Variants in EIF4G3 observed in about 807,000 individuals in gnomAD.
EIF4G3 encodes eIF-4-gamma 3.
A neutral mutation model predicts 186.4 loss-of-function variants in EIF4G3; 34 were observed. The ratio of observed to expected loss-of-function variants is 0.18; its 90% confidence interval spans 0.14 to 0.24. The LOEUF (loss-of-function observed/expected upper bound fraction) is 0.24, where lower values mean the gene tolerates loss of function less well. Ranked by LOEUF, EIF4G3 falls within the 10% of genes least tolerant of loss-of-function variation. The pLI, the probability that EIF4G3 is intolerant of heterozygous loss-of-function variation, is 1.00. For synonymous variants in EIF4G3, 673 were observed against 679.5 expected (o/e 0.99, Z 0.15); for missense variants, 1,536 against 1,948.5 (o/e 0.79, Z 3.99).
intron 3 of EIF4G3, among the ~76,000 whole-genome samples, chr1:21,077,896 A>AG (rs1346810297): frequency 6.6e-6 from 1 of 151,730 alleles, no homozygotes; most frequent in Admixed American, 6.6e-5. Context: ...AAAAAAAAAA[A>AG]ACAACAAAAA....
chr1:21,144,832 GAGGGTTCTCAAACTA>G (rs1173937448), intron 2 of EIF4G3, among the ~76,000 whole-genome samples: 1 of 152,172 alleles, frequency 6.6e-6, no homozygotes, highest in East Asian at 1.9e-4. Flanking sequence ...CCTTGAAATA[GAGGGTTCTCAAACTA>G]TGCAGATCTT....
chr1:20,989,774 T>C (rs1053579978), intron 7 of EIF4G3, among the ~76,000 whole-genome samples: 1 of 152,178 alleles, frequency 6.6e-6, no homozygotes, highest in African/African-American at 2.4e-5. Flanking sequence ...ACCTAGTTGA[T>C]AAAGCAGCAG....
At chr1:20,903,825 A>T (rs2091236977) in intron 15 of EIF4G3, among the ~76,000 whole-genome samples, 1 of 152,330 alleles carries the variant, frequency 6.6e-6, no homozygotes, top group Non-Finnish European at 1.5e-5. Flanking sequence ...TCTTAAGATA[A>T]TTTTTATATT....
chr1:21,035,371 C>T (rs1051969462), intron 4 of EIF4G3, among the ~76,000 whole-genome samples: 4 of 152,160 alleles, frequency 2.6e-5, no homozygotes, highest in African/African-American at 9.7e-5. Context: ...AGGAGCTCCC[C>T]AGGCACAGCT....
chr1:21,157,455 T>C (rs1415451184), intron 2 of EIF4G3, among the ~76,000 whole-genome samples: 2 of 152,076 alleles, frequency 1.3e-5, no homozygotes, highest in Non-Finnish European at 2.9e-5. Context: ...CACTGCAGCT[T>C]CAACCTCCTG....
chr1:20,852,252 T>G (rs2073558713), intron 27 of EIF4G3, among the ~76,000 whole-genome samples: 2 of 152,218 alleles, frequency 1.3e-5, no homozygotes, highest in African/African-American at 4.8e-5. Context: ...TCTGCCCACC[T>G]CGGCCTCCCA....
chr1:20,960,069 T>C (rs1030598045), intron 12 of EIF4G3, among the ~76,000 whole-genome samples: 1 of 152,182 alleles, frequency 6.6e-6, no homozygotes, highest in Non-Finnish European at 1.5e-5. Flanking sequence ...GAAGTCATCA[T>C]ATGAAAAAGA....
chr1:20,829,907 A>G (rs1447213121), intron 30 of EIF4G3, among the ~76,000 whole-genome samples: 1 of 152,368 alleles, frequency 6.6e-6, no homozygotes, highest in East Asian at 1.9e-4. Flanking sequence ...AGCAAATGGG[A>G]ATTAAATATA....
In EIF4G3 at chr1:20,904,954, C is replaced by T. The variant is rs200993489; in HGVS notation, c.1681G>A (p.Val561Ile). The T allele has an allele frequency of 6.2e-7, 1 of 1,613,650 alleles. No homozygotes were observed. Among genetic ancestry groups the T allele is most frequent in the Non-Finnish European group, 8.5e-7 (1 of 1,179,822 alleles). The part of the protein sequence containing the change: ...SPVPAQIAIT[V>I]PKTWKKPKDR... Reference sequence around the variant, plus strand: ...TTTGGTTTCTTCCATGTCTTTGGTACAGTTATAGCTATTTGAGCTGAAATA... The same window carrying T: ...TTTGGTTTCTTCCATGTCTTTGGTATAGTTATAGCTATTTGAGCTGAAATA... The change falls in exon 15 of 37, where the codon GTA becomes ATA. Residue 561 changes from valine to isoleucine, a missense_variant. Physicochemically the swap from Val to Ile is conservative, Grantham distance 29 (BLOSUM62 3). Coordinates refer to ENST00000602326, the MANE Select transcript of EIF4G3 (RefSeq NM_001391906.1).
intron 4 of EIF4G3, among the ~76,000 whole-genome samples, chr1:21,004,986 CA>C (rs1326126296): frequency 2.0e-5 from 3 of 152,098 alleles, no homozygotes; most frequent in Admixed American, 6.5e-5. Flanking sequence ...AATATGGCAG[CA>C]AAGTATCTCA....
intron 29 of EIF4G3, 134 bp from the exon 30 acceptor site, chr1:20,841,162 GT>G: frequency 1.3e-6 from 1 of 771,412 alleles, no homozygotes; most frequent in Non-Finnish European, 2.0e-6. Flanking sequence ...TCAAATATAA[GT>G]TTATATTTGT....
chr1:20,942,277 G>A lies in EIF4G3; in HGVS notation c.877C>T (p.Leu293=). 3 of 1,611,036 alleles carry A rather than the reference G, an allele frequency of 1.9e-6. No homozygotes were observed. Among genetic ancestry groups the A allele is most frequent in the Non-Finnish European group, 2.5e-6 (3 of 1,178,876 alleles). Residue 293 remains leucine (L), a synonymous_variant, in exon 14 of 37, where the codon CTA becomes TTA. Transcript: ENST00000602326. ...TCTTTCTTCTCTCCACTGAGGACTA[G>A]CCTAAGGACTGGGGAAGGAGACTTT... ...VLKSPSPVLR[L]VLSGEKKEQE...
intron 14 of EIF4G3, among the ~76,000 whole-genome samples, chr1:20,912,663 T>A (rs1440558148): frequency 6.6e-6 from 1 of 152,208 alleles, no homozygotes; most frequent in Non-Finnish European, 1.5e-5. Context: ...GAACTTTCAG[T>A]GAGAGTTCCC....
rs2082561063 is a variant in EIF4G3, at chr1:20,997,583, G to C, written c.177+18C>G. ...TCTATTAGTTAAGGGTGATAGTGAA[G>C]GGGCAAGGGTACAGTACCTGATGAT... On this transcript the variant is annotated intron_variant, in intron 7 of 36. Transcript: ENST00000602326. 1 of 1,549,960 alleles carries C rather than the reference G, an allele frequency of 6.5e-7. No homozygotes were observed. The highest frequency in any genetic ancestry group is 1.4e-5 in the African/African-American group (1 of 72,974).
chr1:20,891,924 T>G (rs954425118), intron 18 of EIF4G3, among the ~76,000 whole-genome samples: 2 of 152,168 alleles, frequency 1.3e-5, no homozygotes, highest in Non-Finnish European at 2.9e-5. Flanking sequence ...AAACAGAGTA[T>G]CTCACATACA....
intron 2 of EIF4G3, among the ~76,000 whole-genome samples, chr1:21,123,703 A>T (rs1381461854): frequency 6.6e-6 from 1 of 152,188 alleles, no homozygotes; most frequent in African/African-American, 2.4e-5. Context: ...GTAGTGGATA[A>T]CTTTTTAAAC....
chr1:20,883,605 A>G (rs2083129817), intron 19 of EIF4G3, among the ~76,000 whole-genome samples: 2 of 152,018 alleles, frequency 1.3e-5, no homozygotes, highest in Admixed American at 1.3e-4. Context: ...TGACAGAGCG[A>G]GAGCGAGACT....
At chr1:21,172,847 G>A (rs1195480889) in intron 2 of EIF4G3, among the ~76,000 whole-genome samples, 1 of 150,726 alleles carries the variant, frequency 6.6e-6, no homozygotes, top group Non-Finnish European at 1.5e-5. Flanking sequence ...ATTGACTTAA[G>A]ATGTGGTTCT....
At position 21,125,656 on chromosome 1, in the gene EIF4G3, C is replaced by T. The variant is rs969684421; in HGVS notation, c.-271-36443G>A. Among the ~76,000 whole-genome samples the T allele has an allele frequency of 2.6e-4, 40 of 151,708 alleles. 1 individual carries two copies. The highest frequency in any genetic ancestry group is 2.5e-3 in the Admixed American group (38 of 15,216). On this transcript the variant is annotated intron_variant, in intron 2 of 36. Coordinates refer to ENST00000602326, the MANE Select transcript of EIF4G3 (RefSeq NM_001391906.1). ...ATCGCTTGAGCCTGGGAGGCAGAGG[C>T]TGCAGTGAGCCGAGATTGTGCCATT... is the stretch of plus-strand genomic sequence containing the variant.
Sources: allele counts gnomAD v4.1 joint callset (sites outside exome capture counted in the v4.1 genomes callset), GRCh38; gene constraint gnomAD v4.1.1; transcripts MANE v1.5; gene names NCBI Gene and HGNC (gene_info 2026-07-23, HGNC 2026-07-21).